The following UNC79 variants were observed in gnomAD, a reference collection of about 807,000 sequenced individuals.
The protein encoded by UNC79 is unc-79 subunit of NALCN channel complex.
Under a neutral mutation model 283.1 loss-of-function variants are expected in UNC79, and 37 were observed. The observed-to-expected ratio is 0.13, with a 90% confidence interval of 0.10 to 0.17. The LOEUF (loss-of-function observed/expected upper bound fraction) is 0.17, where lower values mean the gene tolerates loss of function less well. Among genes scored for constraint, UNC79 ranks in the 10% least tolerant of loss-of-function variants. The pLI, the probability that UNC79 is intolerant of heterozygous loss-of-function variation, is 1.00. For missense variants in UNC79, 2,272 were observed against 3,211.1 expected (o/e 0.71, Z 7.07); for synonymous variants, 1,107 against 1,200.2 (o/e 0.92, Z 1.61).
intron 1 of UNC79, among the ~76,000 whole-genome samples, chr14:93,466,654 T>A (rs986267260): frequency 8.5e-5 from 13 of 152,210 alleles, no homozygotes; most frequent in African/African-American, 2.9e-4. Flanking sequence ...ACAGCAGGCC[T>A]TGCTTCTCCA....
At chr14:93,686,511 G>C (rs2074252549) in intron 42 of UNC79, 61 bp from the exon 46 acceptor site, 1 of 1,554,928 alleles carries the variant, frequency 6.4e-7, no homozygotes, top group South Asian at 1.1e-5. Context: ...ACCAGAGTGA[G>C]GCAATCATTG....
At chr14:93,340,036 C>G (rs1417433385) in intron 1 of UNC79, among the ~76,000 whole-genome samples, 2 of 152,208 alleles carry the variant, frequency 1.3e-5, no homozygotes, top group African/African-American at 4.8e-5. Flanking sequence ...TGTAGAAAGA[C>G]ACAAAAGTGC....
rs1267356625 is a variant in UNC79, at chr14:93,617,587, T to A, written c.4224+283T>A. Among the ~76,000 whole-genome samples, 1 of 152,216 alleles carries A rather than the reference T, an allele frequency of 6.6e-6. No individual in the cohort carries two copies. The highest frequency in any genetic ancestry group is 1.5e-5 in the Non-Finnish European group (1 of 68,034). ...TTTATACTCAGTCTTGTATTTTGTCTAAGTATTATTATTTCAGAAAACAAA... is the reference window on the plus strand; with the variant it reads ...TTTATACTCAGTCTTGTATTTTGTCAAAGTATTATTATTTCAGAAAACAAA... On this transcript the variant is annotated intron_variant, in intron 28 of 48. Transcript: ENST00000555664. The surrounding 1 kb of genome is among the most constrained non-coding windows in gnomAD (Gnocchi z 4.5).
chr14:93,547,583 A>G (rs2061664671), intron 14 of UNC79, among the ~76,000 whole-genome samples: 1 of 152,246 alleles, frequency 6.6e-6, no homozygotes, highest in South Asian at 2.1e-4. Context: ...AGATTTCAAA[A>G]GTAAATATAG....
At chr14:93,497,085 G>A (rs1420831624) in intron 6 of UNC79, 72 bp from the exon 7 acceptor site, 1 of 1,517,148 alleles carries the variant, frequency 6.6e-7, no homozygotes, top group Non-Finnish European at 8.8e-7. Context: ...CACTGCTTTG[G>A]TAATGTTGAA....
At chr14:93,599,134 T>C (rs1207576366) in intron 24 of UNC79, among the ~76,000 whole-genome samples, 1 of 152,252 alleles carries the variant, frequency 6.6e-6, no homozygotes, top group African/African-American at 2.4e-5. Flanking sequence ...TAGCAAGAGC[T>C]GACATTCCTC....
At position 93,609,575 on chromosome 14, in the gene UNC79, T is replaced by A. The variant is rs535557118; in HGVS notation, c.3755-3222T>A. ...ATATAACGTCAGACCCTTTAACATG[T>A]TAAATCTCTATGGTTAGGACAGATA... On this transcript the variant is annotated intron_variant, in intron 26 of 48. Transcript: ENST00000555664. Among the ~76,000 whole-genome samples, 8 of 152,336 alleles carry A rather than the reference T, an allele frequency of 5.3e-5. No homozygotes were observed. In the East Asian group the frequency reaches 1.5e-3, roughly 29 times the overall value.
intron 1 of UNC79, among the ~76,000 whole-genome samples, chr14:93,414,161 G>T (rs1186221371): frequency 3.3e-5 from 5 of 151,536 alleles, no homozygotes; most frequent in African/African-American, 1.2e-4. Context: ...ATGGTTTTAG[G>T]TCTAACGTTT....
chr14:93,418,809 C>T (rs1302557879), intron 1 of UNC79, among the ~76,000 whole-genome samples: 3 of 151,844 alleles, frequency 2.0e-5, no homozygotes, highest in Non-Finnish European at 4.4e-5. Context: ...ACTCCGTGGG[C>T]GTAGGATCCT....
intron 1 of UNC79, among the ~76,000 whole-genome samples, chr14:93,417,763 T>A (rs1566922690): frequency 3.3e-5 from 5 of 152,084 alleles, no homozygotes. Flanking sequence ...TCGCTTCATT[T>A]CATTCATTTC....
intron 34 of UNC79, among the ~76,000 whole-genome samples, chr14:93,644,652 G>T (rs1025663213): frequency 6.6e-6 from 1 of 152,172 alleles, no homozygotes; most frequent in Non-Finnish European, 1.5e-5. Context: ...GGTAGCACAA[G>T]AACTGGATTC....
At chr14:93,387,294 G>A (rs1228431630) in intron 1 of UNC79, among the ~76,000 whole-genome samples, 1 of 151,846 alleles carries the variant, frequency 6.6e-6, no homozygotes, top group Non-Finnish European at 1.5e-5. Flanking sequence ...GGTTTGGTTT[G>A]TTGTTGCCTT....
rs773506418 is a variant in UNC79, at chr14:93,612,753, C to T, written c.3755-44C>T. On this transcript the variant is annotated intron_variant, in intron 26 of 48. Transcript: ENST00000555664. ...TAAGAGAGATTTTAGTGTCACTTCA[C>T]TTGTGAGTGAGCCACCCACTGACAG... 5 of 1,594,178 alleles carry T rather than the reference C, an allele frequency of 3.1e-6. No individual in the cohort carries two copies. In the South Asian group the frequency reaches 3.4e-5, roughly 11 times the overall value.
At chr14:93,417,820 CT>C (rs2055497137) in intron 1 of UNC79, among the ~76,000 whole-genome samples, 1 of 150,576 alleles carries the variant, frequency 6.6e-6, no homozygotes, top group South Asian at 2.2e-4. Flanking sequence ...GCATCGACTC[CT>C]GAGGCTTCTC....
chr14:93,347,158 G>T, intron 1 of UNC79: 1 of 1,331,516 alleles, frequency 7.5e-7, no homozygotes, highest in Non-Finnish European at 1.0e-6. Flanking sequence ...GCGCCCCCTC[G>T]TGGCTGGGGC....
intron 1 of UNC79, among the ~76,000 whole-genome samples, chr14:93,459,450 A>T (rs1226454922): frequency 1.3e-5 from 2 of 152,242 alleles, no homozygotes; most frequent in Non-Finnish European, 2.9e-5. Context: ...ACTTAGTGAA[A>T]TATTGGAAAC....
At chr14:93,495,495 C>G (rs2058977666) in intron 5 of UNC79, among the ~76,000 whole-genome samples, 1 of 152,110 alleles carries the variant, frequency 6.6e-6, no homozygotes, top group Non-Finnish European at 1.5e-5. Flanking sequence ...GGTGGGGACA[C>G]AGCTTAACCA....
chr14:93,446,393 G>GT (rs2056459836), intron 1 of UNC79, among the ~76,000 whole-genome samples: 6 of 89,118 alleles, frequency 6.7e-5, no homozygotes, highest in Admixed American at 2.6e-4. Context: ...ACATGTGTGT[G>GT]GTTTTTTTTT....
At position 93,474,995 on chromosome 14, in the gene UNC79, C is replaced by T. The variant is rs1375702286; in HGVS notation, c.448+602C>T. ...TATTCAGCATATGGTATTAGTGGTG[C>T]TATGTGCTATTTGCAGTATGTATAC... On this transcript the variant is annotated intron_variant, in intron 3 of 48. Transcript: ENST00000555664. This position sits in a 1 kb window ranked among gnomAD's most constrained non-coding sequence, Gnocchi z 4.1. Among the ~76,000 whole-genome samples the T allele has an allele frequency of 6.6e-6, 1 of 152,092 alleles. No homozygotes were observed. The highest frequency in any genetic ancestry group is 1.5e-5 in the Non-Finnish European group (1 of 67,998).
Sources: allele counts gnomAD v4.1 joint callset (sites outside exome capture counted in the v4.1 genomes callset), GRCh38; gene constraint gnomAD v4.1.1; non-coding constraint Gnocchi (gnomAD v3.1); transcripts MANE v1.5; gene names NCBI Gene and HGNC (gene_info 2026-07-23, HGNC 2026-07-21).